AOC3: variants seen among roughly 807,000 people sequenced by gnomAD.
AOC3 encodes the protein amine oxidase copper containing 3.
Under a neutral mutation model 55.4 loss-of-function variants are expected in AOC3, and 47 were observed. That is an observed-to-expected ratio of 0.85 (90% CI 0.67 to 1.08). The LOEUF (loss-of-function observed/expected upper bound fraction) is 1.08, where lower values mean the gene tolerates loss of function less well. Among genes scored for constraint, AOC3 ranks in the 50% least tolerant of loss-of-function variants. The pLI is 0.00. For synonymous variants in AOC3, 386 were observed against 410.7 expected (o/e 0.94, Z 0.73); for missense variants, 853 against 993.1 (o/e 0.86, Z 1.90).
rs1266027154 is a variant in AOC3 at position 42,855,514 on chromosome 17, C to T, written c.1957C>T (p.Pro653Ser). The T allele has an allele frequency of 6.2e-7, 1 of 1,613,786 alleles. No homozygotes were observed. Among genetic ancestry groups the T allele is most frequent in the Admixed American group, 1.7e-5 (1 of 59,964 alleles). The change falls in exon 3 of 4, where the codon CCT (proline) becomes TCT (serine). Residue 653 changes from proline to serine, a missense_variant. By Grantham distance (74) the Pro-to-Ser change is moderately conservative (BLOSUM62 -1). Transcript: ENST00000308423. The part of the protein sequence containing the change: ...SSSSVFNQND[P>S]WAPTVDFSDF... ...CAGCAGCGTTTTCAATCAGAATGAC[C>T]CTTGGGCCCCCACTGTGGATTTCAG...
rs747027262 is a variant in AOC3 at position 42,852,162 on chromosome 17, C to G, written c.819C>G (p.Ser273Arg). Residue 273 changes from serine to arginine, a missense_variant, in exon 1 of 4, where the codon AGC becomes AGG. Transcript: ENST00000308423. ...TCTATCAAGGCCGCTACTACGACAG[C>G]CTGGCCCAGCTGGAGGCCCAGTTTG... ...KVFYQGRYYD[S>R]LAQLEAQFEA... 6.2e-7 allele frequency: 1 copy of G among 1,613,936 alleles called. No individual in the cohort carries two copies. Among genetic ancestry groups the G allele is most frequent in the Admixed American group, 1.7e-5 (1 of 60,020 alleles).
chr17:42,851,488 C>T lies in AOC3; in HGVS notation c.145C>T (p.Gln49Ter). ...PHCPSVSPSA[Q>*]PWTHPGQSQL... Reference sequence around the variant, plus strand: ...TTGCCCCTCTGTATCTCCCAGTGCCCAGCCTTGGACACACCCTGGCCAGAG... The same window carrying T: ...TTGCCCCTCTGTATCTCCCAGTGCCTAGCCTTGGACACACCCTGGCCAGAG... The change falls in exon 1 of 4, where the codon CAG (glutamine) becomes TAG (stop). Residue 49 changes from glutamine to a stop codon, truncating the protein, a stop_gained. Transcript: ENST00000308423. LOFTEE classifies it high-confidence loss of function. 1 of 1,614,232 alleles carries T rather than the reference C, an allele frequency of 6.2e-7. No individual in the cohort carries two copies. Among genetic ancestry groups the T allele is most frequent in the Non-Finnish European group, 8.5e-7 (1 of 1,180,042 alleles).
chr17:42,855,557 A>T lies in AOC3; in HGVS notation c.2000A>T (p.Glu667Val). ...TVDFSDFINN[E>V]TIAGKDLVAW... ...GATTTCAGTGACTTCATCAACAATG[A>T]GACCATTGCTGGAAAGGTCAGCTGG... The change falls in exon 3 of 4, where the codon GAG becomes GTG. Residue 667 changes from glutamate (E) to valine (V), a missense_variant. Physicochemically the swap from Glu to Val is moderately radical, Grantham distance 121. Coordinates refer to ENST00000308423, the MANE Select transcript of AOC3 (RefSeq NM_003734.4). The T allele has an allele frequency of 6.2e-7, 1 of 1,614,172 alleles. No individual in the cohort carries two copies. The highest frequency in any genetic ancestry group is 1.6e-4 in the Middle Eastern group (1 of 6,062).
intron 1 of AOC3, 176 bp downstream of exon 1, chr17:42,853,119 C>A: frequency 7.4e-7 from 1 of 1,355,146 alleles, no homozygotes; most frequent in Non-Finnish European, 9.7e-7. Flanking sequence ...AGCTCACTGG[C>A]TGGGTGCAAA....
Position 42,852,491 on chromosome 17 carries a change from G to GC in AOC3, c.1149dup (p.Tyr384LeufsTer44). On this transcript the variant is annotated frameshift_variant, in exon 1 of 4. Transcript: ENST00000308423. LOFTEE classifies it high-confidence loss of function. ...AATTCCCCAGCAGCAATGACGACCC[G>GC]CTATGTGGATGGAGGCTTTGGCATG... 7 of 1,614,210 alleles carry GC rather than the reference G, an allele frequency of 4.3e-6. No homozygotes were observed. The highest frequency in any genetic ancestry group is 5.9e-6 in the Non-Finnish European group (7 of 1,180,036).
In AOC3 at chr17:42,852,211, C is replaced by T. The variant is rs370807942; in HGVS notation, c.868C>T (p.Leu290=). 1.4e-5 allele frequency: 23 copies of T among 1,613,578 alleles called. No homozygotes were observed. The African/African-American group carries it at 2.7e-4, about 19-fold the overall frequency. The part of the protein sequence containing the change: ...QFEAGLVNVV[L]IPDNGTGGSW... ...TGAGGCCGGCCTGGTGAATGTGGTG[C>T]TGATCCCAGACAATGGCACAGGTGG... The change falls in exon 1 of 4, where the codon CTG becomes TTG. Residue 290 remains leucine, a synonymous_variant. Transcript: ENST00000308423.
In AOC3 at chr17:42,854,495, G is replaced by A. The variant is rs978885461; in HGVS notation, c.1648G>A (p.Ala550Thr). Residue 550 changes from alanine to threonine, a missense_variant, in exon 2 of 4, where the codon GCT (alanine) becomes ACT (threonine). Ala to Thr is a moderately conservative substitution (Grantham distance 58, BLOSUM62 0). Coordinates refer to ENST00000308423, the MANE Select transcript of AOC3 (RefSeq NM_003734.4). Reference protein sequence around the residue: ...WAEDMVFVPMAVPWSPEHQLQ... With the variant: ...WAEDMVFVPMTVPWSPEHQLQ... ...CGAGGATATGGTCTTTGTCCCCATGGCTGTGCCCTGGAGCCCTGAGCACCA... is the reference window on the plus strand; with the variant it reads ...CGAGGATATGGTCTTTGTCCCCATGACTGTGCCCTGGAGCCCTGAGCACCA... 1.9e-6 allele frequency: 3 copies of A among 1,596,260 alleles called. No homozygotes were observed. Among genetic ancestry groups the A allele is most frequent in the African/African-American group, 2.7e-5 (2 of 74,228 alleles).
Position 42,851,828 on chromosome 17 carries a change from G to A in AOC3, c.485G>A (p.Gly162Asp), listed in dbSNP as rs1368202667. The A allele has an allele frequency of 1.2e-6, 2 of 1,613,550 alleles. No homozygotes were observed. The highest frequency in any genetic ancestry group is 1.7e-6 in the Non-Finnish European group (2 of 1,180,028). The change falls in exon 1 of 4, where the codon GGC (glycine) becomes GAC (aspartate). Residue 162 changes from glycine to aspartate, a missense_variant. Gly to Asp is a moderately conservative substitution (Grantham distance 94). Transcript: ENST00000308423. ...GACGTGACTGTGGAGCGTCATGGAGGCCCCCTGCCCTATCACCGACGCCCC... is the reference window on the plus strand; with the variant it reads ...GACGTGACTGTGGAGCGTCATGGAGACCCCCTGCCCTATCACCGACGCCCC... ...MRDVTVERHGGPLPYHRRPVL... is the reference protein window; with the variant it reads ...MRDVTVERHGDPLPYHRRPVL...
chr17:42,852,913 G>A lies in AOC3; in HGVS notation c.1570G>A (p.Ala524Thr), dbSNP rs778859448. The A allele has an allele frequency of 1.5e-5, 24 of 1,607,388 alleles. No homozygotes were observed. Among genetic ancestry groups the A allele is most frequent in the East Asian group, 2.2e-5 (1 of 44,654 alleles). Reference sequence around the variant, plus strand: ...CCTGGGCACGGTCCACACCCACAGCGCCCACTTCAAGGTGGATCTGGATGT... The same window carrying A: ...CCTGGGCACGGTCCACACCCACAGCACCCACTTCAAGGTGGATCTGGATGT... ...HTLGTVHTHS[A>T]HFKVDLDVAG... Residue 524 changes from alanine to threonine, a missense_variant, in exon 1 of 4, where the codon GCC (alanine) becomes ACC (threonine). Transcript: ENST00000308423.
intron 3 of AOC3, 87 bp downstream of exon 3, chr17:42,855,660 G>T (rs1567692132): frequency 2.5e-6 from 4 of 1,570,368 alleles, no homozygotes; most frequent in Non-Finnish European, 3.5e-6. Flanking sequence ...CTCAGGGGTG[G>T]TGCTGATTCC....
At position 42,856,776 on chromosome 17, in the gene AOC3, T is replaced by C; in HGVS notation, c.*226T>C. 1 of 602,416 alleles carries C rather than the reference T, an allele frequency of 1.7e-6. No homozygotes were observed. Among genetic ancestry groups the C allele is most frequent in the African/African-American group, 1.8e-5 (1 of 54,092 alleles). 37.3% of individuals were successfully genotyped at this position (602,416 alleles called of 1,614,324 possible). On this transcript the variant is annotated 3_prime_UTR_variant, in exon 4 of 4. Transcript: ENST00000308423. The stretch of plus-strand genomic sequence containing the variant: ...TGTTGATGCCAGCTGTACTGAGTTC[T>C]CATCCACAGAGGCCAGGCATGGCCC...
Position 42,851,205 on chromosome 17 carries a change from A to G in AOC3, c.-139A>G. On this transcript the variant is annotated 5_prime_UTR_variant, in exon 1 of 4. Coordinates refer to ENST00000308423, the MANE Select transcript of AOC3 (RefSeq NM_003734.4). ...CTGTGTCCTTCCCACCCTTAGTCCC[A>G]GGCATCTGACTACCGGGAACCTCAG... The G allele has an allele frequency of 1.5e-6, 1 of 671,488 alleles. No individual in the cohort carries two copies. Among genetic ancestry groups the G allele is most frequent in the Non-Finnish European group, 2.2e-6 (1 of 462,536 alleles). 41.6% of individuals were successfully genotyped at this position (671,488 alleles called of 1,614,324 possible).
At position 42,855,714 on chromosome 17, in the gene AOC3, A is replaced by C. The variant is rs2055740401; in HGVS notation, c.2016+141A>C. On this transcript the variant is annotated intron_variant, in intron 3 of 3. Transcript: ENST00000308423. Reference sequence around the variant, plus strand: ...ATATCTGATCATTATCCTTTGAGGGAACCTTCCTGAGCTGGGTGTCCATAT... The same window carrying C: ...ATATCTGATCATTATCCTTTGAGGGCACCTTCCTGAGCTGGGTGTCCATAT... 3 of 1,216,556 alleles carry C rather than the reference A, an allele frequency of 2.5e-6. No homozygotes were observed. The African/African-American group carries it at 4.5e-5, about 18-fold the overall frequency. The allele number at this position is 1,216,556 out of a possible 1,614,324, so 75.4% of individuals were successfully genotyped here.
At chr17:42,854,096 A>T (rs2055712304) in intron 1 of AOC3, 1 of 189,126 alleles carries the variant, frequency 5.3e-6, no homozygotes, top group East Asian at 1.3e-4. Flanking sequence ...TGCCTAGGCC[A>T]TGCTCCTCTC....
chr17:42,851,547 G>A lies in AOC3; in HGVS notation c.204G>A (p.Leu68=), dbSNP rs1355501957. Residue 68 remains leucine (L), a synonymous_variant, in exon 1 of 4, where the codon CTG becomes CTA. Coordinates refer to ENST00000308423, the MANE Select transcript of AOC3 (RefSeq NM_003734.4). The part of the protein sequence containing the change: ...QLFADLSREE[L]TAVMRFLTQR... ...TTGCAGACCTGAGCCGAGAGGAGCT[G>A]ACGGCTGTGATGCGCTTTCTGACCC... is the stretch of plus-strand genomic sequence containing the variant. 2 of 1,614,030 alleles carry A rather than the reference G, an allele frequency of 1.2e-6. No homozygotes were observed. The highest frequency in any genetic ancestry group is 4.5e-5 in the East Asian group (2 of 44,876).
rs575205744 is a variant in AOC3, at chr17:42,857,446, C to A, written c.*896C>A. 1 of 152,308 alleles carries A rather than the reference C, an allele frequency of 6.6e-6. No individual in the cohort carries two copies. The highest frequency in any genetic ancestry group is 1.5e-5 in the Non-Finnish European group (1 of 68,046). 9.4% of individuals were successfully genotyped at this position (152,308 alleles called of 1,614,324 possible). On this transcript the variant is annotated 3_prime_UTR_variant, in exon 4 of 4. Coordinates refer to ENST00000308423, the MANE Select transcript of AOC3 (RefSeq NM_003734.4). ...AGAATGGCCATTTTGTACCAGGGCT[C>A]TGTATTCTGCAACAGCCTGTTTGGG... is the stretch of plus-strand genomic sequence containing the variant.
chr17:42,856,248 G>A lies in AOC3; in HGVS notation c.2017-27G>A, dbSNP rs147129999. The A allele has an allele frequency of 1.6e-4, 250 of 1,609,732 alleles. 1 individual carries two copies. The highest frequency in any genetic ancestry group is 8.2e-4 in the Admixed American group (49 of 59,888). Reference sequence around the variant, plus strand: ...CATGTCCTCAGCAAAGCCAGACCTCGTGATCCTCTTTCTTCTCCCCTGCTA... The same window carrying A: ...CATGTCCTCAGCAAAGCCAGACCTCATGATCCTCTTTCTTCTCCCCTGCTA... On this transcript the variant is annotated intron_variant, in intron 3 of 3. Coordinates refer to ENST00000308423, the MANE Select transcript of AOC3 (RefSeq NM_003734.4).
At position 42,856,654 on chromosome 17, in the gene AOC3, G is replaced by C. The variant is rs1597971607; in HGVS notation, c.*104G>C. 2.2e-6 allele frequency: 3 copies of C among 1,342,810 alleles called. No homozygotes were observed. The East Asian group carries it at 6.9e-5, about 31-fold the overall frequency. The allele number at this position is 1,342,810 out of a possible 1,614,324, so 83.2% of individuals were successfully genotyped here. A position where few individuals can be genotyped will look rare whatever the true frequency, so the allele number is the denominator to read the frequency against. ...GGCAGCCTGGTTCCCTCTTTCCTGTGCCAGGACTCTCTTTCTTCCACTACC... is the reference window on the plus strand; with the variant it reads ...GGCAGCCTGGTTCCCTCTTTCCTGTCCCAGGACTCTCTTTCTTCCACTACC... On this transcript the variant is annotated 3_prime_UTR_variant, in exon 4 of 4. Coordinates refer to ENST00000308423, the MANE Select transcript of AOC3 (RefSeq NM_003734.4).
Position 42,852,447 on chromosome 17 carries a change from C to G in AOC3, c.1104C>G (p.Ala368=), listed in dbSNP as rs1458754878. 1.9e-6 allele frequency: 3 copies of G among 1,614,090 alleles called. No individual in the cohort carries two copies. Among genetic ancestry groups the G allele is most frequent in the East Asian group, 2.2e-5 (1 of 44,894 alleles). Reference sequence around the variant, plus strand: ...TTTATGAGATAAGCCTCCAAGAGGCCTTGGCCATCTATGGTGGAAATTCCC... The same window carrying G: ...TTTATGAGATAAGCCTCCAAGAGGCGTTGGCCATCTATGGTGGAAATTCCC... ...RLVYEISLQE[A]LAIYGGNSPA... is the part of the protein sequence containing the mutation. Residue 368 remains alanine, a synonymous_variant, in exon 1 of 4, where the codon GCC becomes GCG. Transcript: ENST00000308423.
Sources: allele counts gnomAD v4.1 joint callset, GRCh38; gene constraint gnomAD v4.1.1; transcripts MANE v1.5; gene names NCBI Gene and HGNC (gene_info 2026-07-23, HGNC 2026-07-21).